The following KRT7 variants were observed in gnomAD, a reference collection of about 807,000 sequenced individuals.
The protein encoded by KRT7 is keratin 7.
Under a neutral mutation model 42.8 loss-of-function variants are expected in KRT7, and 50 were observed. That is an observed-to-expected ratio of 1.17 (90% CI 0.93 to 1.48). KRT7 has a LOEUF of 1.48. KRT7 is among the 40% of genes most tolerant of loss of function. The pLI is 0.00. For synonymous variants in KRT7, 268 were observed against 266.3 expected, an observed-to-expected ratio of 1.01 and a Z score of -0.06; for missense variants, 588 against 637.6, an observed-to-expected ratio of 0.92 and a Z score of 0.84.
At chr12:52,243,262 G>A in intron 6 of KRT7, 125 bp downstream of exon 6, 1 of 1,152,348 alleles carries the variant, frequency 8.7e-7, no homozygotes, top group Non-Finnish European at 1.2e-6. Flanking sequence ...CACTGTCTCA[G>A]ACCCCCTTGT....
chr12:52,247,151 A>G (rs1942185333), intron 7 of KRT7: 1 of 152,132 alleles, frequency 6.6e-6, no homozygotes, highest in Non-Finnish European at 1.5e-5. Flanking sequence ...TTAAGAATAC[A>G]AAGTTACCAA....
At chr12:52,248,439 C>A in intron 8 of KRT7, 152 bp from the exon 9 acceptor site, 2 of 888,584 alleles carry the variant, frequency 2.3e-6, no homozygotes, top group Non-Finnish European at 3.4e-6. Context: ...GCAGCCCTAC[C>A]CCTGTCAGAT....
intron 1 of KRT7, among the ~76,000 whole-genome samples, chr12:52,234,121 C>CGGGGGGGGGG (rs1299477013): frequency 1.0e-3 from 3 of 2,978 alleles, no homozygotes; most frequent in African/African-American, 2.3e-3. Flanking sequence ...GTCGGTGGGG[C>CGGGGGGGGGG]GGGGGAGGGG....
At position 52,243,144 on chromosome 12, in the gene KRT7, C is replaced by T. The variant is rs1402620223; in HGVS notation, c.984+7C>T. The T allele has an allele frequency of 6.2e-7, 1 of 1,608,322 alleles. No homozygotes were observed. Among genetic ancestry groups the T allele is most frequent in the Admixed American group, 1.7e-5 (1 of 59,444 alleles). On this transcript the variant is annotated splice_region_variant and intron_variant, in intron 6 of 8. Transcript: ENST00000331817. Reference sequence around the variant, plus strand: ...CGACAACATCAAGAACCAGGTGGGACAAGTCCTCCTGGCTTCCCCTGCTAC... The same window carrying T: ...CGACAACATCAAGAACCAGGTGGGATAAGTCCTCCTGGCTTCCCCTGCTAC...
downstream of KRT7, chr12:52,253,888 A>G: frequency 4.8e-6 from 2 of 415,726 alleles, no homozygotes; most frequent in South Asian, 3.6e-5. Context: ...CCACCCTCCC[A>G]GTTACAGTCT....
intron 7 of KRT7, chr12:52,245,887 A>G: frequency 1.9e-6 from 1 of 529,292 alleles, no homozygotes; most frequent in East Asian, 3.3e-5. Context: ...GCGGCTTCTT[A>G]GGGTTATCAT....
chr12:52,235,071 G>A, intron 1 of KRT7, 84 bp from the exon 2 acceptor site: 12 of 1,317,104 alleles, frequency 9.1e-6, no homozygotes, highest in Non-Finnish European at 1.3e-5. Context: ...GCTCTGCTAA[G>A]TGGCTAAAGA....
downstream of KRT7, among the ~76,000 whole-genome samples, chr12:52,252,897 G>A (rs192862057): frequency 3.3e-5 from 5 of 152,334 alleles, no homozygotes; most frequent in Admixed American, 2.6e-4. Context: ...ACAGGCCAGA[G>A]AGGTTAAATG....
Position 52,245,428 on chromosome 12 carries a change from C to T in KRT7, c.1001C>T (p.Ala334Val). ...NIKNQRAKLE[A>V]AIAEAEERGE... Reference sequence around the variant, plus strand: ...TGCCCACAGCGTGCCAAGTTGGAGGCCGCCATTGCCGAGGCTGAGGAGCGT... The same window carrying T: ...TGCCCACAGCGTGCCAAGTTGGAGGTCGCCATTGCCGAGGCTGAGGAGCGT... Residue 334 changes from alanine to valine, a missense_variant, in exon 7 of 9, where the codon GCC becomes GTC. Coordinates refer to ENST00000331817, the MANE Select transcript of KRT7 (RefSeq NM_005556.4). 6.2e-7 allele frequency: 1 copy of T among 1,613,804 alleles called. No homozygotes were observed. Among genetic ancestry groups the T allele is most frequent in the Middle Eastern group, 1.7e-4 (1 of 6,030 alleles).
downstream of KRT7, chr12:52,252,225 A>G (rs768682975): frequency 7.4e-6 from 12 of 1,611,972 alleles, no homozygotes; most frequent in Admixed American, 8.3e-5. Flanking sequence ...CCTGGGGGAA[A>G]CTGAGGGGAC....
intron 2 of KRT7, 84 bp from the exon 3 acceptor site, chr12:52,237,425 C>T: frequency 1.0e-6 from 1 of 969,918 alleles, no homozygotes; most frequent in Non-Finnish European, 1.6e-6. Context: ...GGAGGCAGGG[C>T]AGATTTCACA....
intron 3 of KRT7, chr12:52,237,783 C>G (rs1565717907): frequency 5.0e-6 from 2 of 398,084 alleles, no homozygotes; most frequent in Non-Finnish European, 8.9e-6. Context: ...AGACTCATTT[C>G]TAGGCCTCTA....
chr12:52,250,972 C>A (rs1942258153), downstream of KRT7, among the ~76,000 whole-genome samples: 2 of 152,116 alleles, frequency 1.3e-5, no homozygotes, highest in African/African-American at 2.4e-5. Context: ...GGTGGCCAAC[C>A]TTTTTTATTT....
At chr12:52,242,483 C>G (rs1279152692) in intron 5 of KRT7, among the ~76,000 whole-genome samples, 1 of 152,052 alleles carries the variant, frequency 6.6e-6, no homozygotes, top group Non-Finnish European at 1.5e-5. Flanking sequence ...CTGGGGTGAA[C>G]CAGTGTTCCT....
At chr12:52,236,967 C>T (rs973631916) in intron 2 of KRT7, among the ~76,000 whole-genome samples, 4 of 152,156 alleles carry the variant, frequency 2.6e-5, no homozygotes, top group African/African-American at 9.7e-5. Flanking sequence ...CCTTCAGACT[C>T]CTTCTTTGCC....
chr12:52,233,633 G>C lies in KRT7; in HGVS notation c.324+13G>C. 1 of 1,611,384 alleles carries C rather than the reference G, an allele frequency of 6.2e-7. No individual in the cohort carries two copies. ...CTTCATCGACAAGGTGAGCGGGACT[G>C]GACCTCGCCTCTCCTCGAGCCGCGC... is the stretch of plus-strand genomic sequence containing the variant. On this transcript the variant is annotated intron_variant, in intron 1 of 8. Coordinates refer to ENST00000331817, the MANE Select transcript of KRT7 (RefSeq NM_005556.4).
chr12:52,251,706 T>C (rs1256645459), downstream of KRT7: 1 of 315,874 alleles, frequency 3.2e-6, no homozygotes, highest in East Asian at 8.3e-5. Context: ...TAAAAGTCCT[T>C]ATGTGGTACA....
At chr12:52,254,483 C>T (rs569487893), downstream of KRT7, 5 of 443,326 alleles carry the variant, frequency 1.1e-5, no homozygotes, top group Admixed American at 2.7e-5. Flanking sequence ...ACCCTCTGTA[C>T]GTGCTCATCC....
chr12:52,254,650 C>A (rs535821314), downstream of KRT7, among the ~76,000 whole-genome samples: 1 of 152,284 alleles, frequency 6.6e-6, no homozygotes, highest in Admixed American at 6.5e-5. Flanking sequence ...GCACTATCAC[C>A]AAAACTTAAG....
Sources: gnomAD v4.1 joint callset for allele counts (sites outside exome capture counted in the v4.1 genomes callset) on GRCh38, gnomAD v4.1.1 for gene constraint, MANE v1.5 for transcripts, NCBI Gene and HGNC (gene_info 2026-07-23, HGNC 2026-07-21) for gene names.